The following LRFN2 variants were observed in gnomAD, a reference collection of about 807,000 sequenced individuals.
The protein encoded by LRFN2 is leucine-rich repeat and fibronectin type-III domain-containing protein 2.
Under a neutral mutation model 37.3 loss-of-function variants are expected in LRFN2, and 18 were observed. That is an observed-to-expected ratio of 0.48 (90% CI 0.33 to 0.72). The LOEUF (loss-of-function observed/expected upper bound fraction) is 0.72. Among genes scored for constraint, LRFN2 ranks in the 30% least tolerant of loss-of-function variants. The pLI is 0.02. For synonymous variants in LRFN2, 556 were observed against 466.6 expected, an observed-to-expected ratio of 1.19 and a Z score of -2.47; for missense variants, 1,006 against 1,060.7, an observed-to-expected ratio of 0.95 and a Z score of 0.72.
chr6:40,583,294 C>T (rs1229154919), intron 1 of LRFN2, among the ~76,000 whole-genome samples: 2 of 149,116 alleles, frequency 1.3e-5, no homozygotes, highest in African/African-American at 2.5e-5. Context: ...AGGAGAAACC[C>T]TCCAAAAATG....
intron 2 of LRFN2, among the ~76,000 whole-genome samples, chr6:40,393,146 G>A (rs1208761477): frequency 6.6e-6 from 1 of 150,932 alleles, no homozygotes; most frequent in Non-Finnish European, 1.5e-5. Flanking sequence ...GGAGGGAGGG[G>A]CAGGGGCAGG....
chr6:40,399,747 T>G (rs1324790251), intron 2 of LRFN2, among the ~76,000 whole-genome samples: 1 of 151,914 alleles, frequency 6.6e-6, no homozygotes, highest in African/African-American at 2.4e-5. Flanking sequence ...CTGAATTCCC[T>G]CTTTCAAAAG....
intron 1 of LRFN2, among the ~76,000 whole-genome samples, chr6:40,563,330 A>G (rs1006786683): frequency 3.9e-5 from 6 of 152,066 alleles, no homozygotes; most frequent in African/African-American, 1.4e-4. Flanking sequence ...CGGGCCAATG[A>G]GCTCCTTCTG....
intron 1 of LRFN2, among the ~76,000 whole-genome samples, chr6:40,500,933 C>T (rs1053679584): frequency 4.1e-5 from 6 of 145,950 alleles, no homozygotes; most frequent in Admixed American, 1.4e-4. Flanking sequence ...TCCTTTTGTA[C>T]GCTTCTGTGT....
chr6:40,586,527 G>A (rs1215153745), intron 1 of LRFN2, among the ~76,000 whole-genome samples: 1 of 152,012 alleles, frequency 6.6e-6, no homozygotes, highest in Non-Finnish European at 1.5e-5. Flanking sequence ...GGAGTCCCCG[G>A]CGCCCCCACC....
intron 2 of LRFN2, among the ~76,000 whole-genome samples, chr6:40,424,797 G>A (rs1763311682): frequency 6.6e-6 from 1 of 152,122 alleles, no homozygotes; most frequent in South Asian, 2.1e-4. Context: ...CCTGTTCCTG[G>A]CATGCCCCAC....
intron 1 of LRFN2, among the ~76,000 whole-genome samples, chr6:40,510,590 G>A (rs1387646023): frequency 2.0e-5 from 3 of 152,280 alleles, no homozygotes; most frequent in African/African-American, 4.8e-5. Context: ...CTGAGGCACA[G>A]TGAGGAGTGG....
chr6:40,445,963 A>G (rs1193205171), intron 1 of LRFN2, among the ~76,000 whole-genome samples: 2 of 152,248 alleles, frequency 1.3e-5, no homozygotes, highest in African/African-American at 2.4e-5. Context: ...AGTGTTTCCC[A>G]TTACAGTTCT....
chr6:40,443,869 C>T lies in LRFN2; in HGVS notation c.-18-10738G>A, dbSNP rs893804944. Among the ~76,000 whole-genome samples, 19 of 152,280 alleles carry T rather than the reference C, an allele frequency of 1.2e-4. No individual in the cohort carries two copies. In the East Asian group the frequency reaches 3.1e-3, roughly 25 times the overall value. On this transcript the variant is annotated intron_variant, in intron 1 of 2. Transcript: ENST00000338305. ...AGCCTAAAGGGACAAAGGTAGAGGG[C>T]AGTTTCTAGAACCCAGTCAGGGCAT...
Position 40,487,582 on chromosome 6 carries a change from A to C in LRFN2, c.-18-54451T>G, listed in dbSNP as rs139580499. On this transcript the variant is annotated intron_variant, in intron 1 of 2. Transcript: ENST00000338305. ...AGGGAGGTAGGCAGATAGCTGTGAA[A>C]GGTGCATGGCCTCTGGCTTTTGGAA... Among the ~76,000 whole-genome samples, 386 of 152,384 alleles carry C rather than the reference A, an allele frequency of 2.5e-3. 2 individuals are homozygous for C. Among genetic ancestry groups the C allele is most frequent in the Non-Finnish European group, 3.6e-3 (245 of 68,032 alleles).
chr6:40,481,449 A>G (rs1260926190), intron 1 of LRFN2, among the ~76,000 whole-genome samples: 2 of 151,796 alleles, frequency 1.3e-5, no homozygotes, highest in African/African-American at 4.8e-5. Flanking sequence ...CAAAAAAAAA[A>G]AAAAAAAAGA....
chr6:40,404,380 A>G (rs1295322150), intron 2 of LRFN2, among the ~76,000 whole-genome samples: 2 of 152,204 alleles, frequency 1.3e-5, no homozygotes, highest in African/African-American at 4.8e-5. Context: ...CGTTGAAAAC[A>G]TTGGTTGAAC....
intron 1 of LRFN2, among the ~76,000 whole-genome samples, chr6:40,509,789 G>T (rs562450725): frequency 7.5e-4 from 114 of 151,560 alleles, no homozygotes; most frequent in African/African-American, 2.5e-3. Context: ...AGTGGGGTGG[G>T]GGTGCATGCG....
Position 40,483,954 on chromosome 6 carries a change from A to C in LRFN2, c.-18-50823T>G, listed in dbSNP as rs190802562. The stretch of plus-strand genomic sequence containing the variant: ...TGTCAGCATTCCTGGCTCAGAGAGA[A>C]TAGCCGCCTCTGTCCCCTCTCCCTG... On this transcript the variant is annotated intron_variant, in intron 1 of 2. Coordinates refer to ENST00000338305, the MANE Select transcript of LRFN2 (RefSeq NM_020737.3). Among the ~76,000 whole-genome samples the C allele has an allele frequency of 4.6e-5, 7 of 152,256 alleles. No homozygotes were observed. The South Asian group carries it at 1.2e-3, about 27-fold the overall frequency.
At chr6:40,546,265 A>G (rs1766658824) in intron 1 of LRFN2, among the ~76,000 whole-genome samples, 1 of 152,220 alleles carries the variant, frequency 6.6e-6, no homozygotes, top group Non-Finnish European at 1.5e-5. Context: ...CTGAGGATGC[A>G]GCTCTGATGT....
chr6:40,496,333 C>T (rs112350022), intron 1 of LRFN2, among the ~76,000 whole-genome samples: 8 of 152,158 alleles, frequency 5.3e-5, no homozygotes, highest in Non-Finnish European at 1.0e-4. Flanking sequence ...CCATCTAAAC[C>T]GGAATCAGGT....
intron 1 of LRFN2, among the ~76,000 whole-genome samples, chr6:40,577,082 T>C (rs994531560): frequency 3.6e-5 from 2 of 55,560 alleles, no homozygotes; most frequent in African/African-American, 1.7e-4. Context: ...AGGCCCATTT[T>C]CTTTTCTTTT....
chr6:40,460,887 A>C (rs1764332569), intron 1 of LRFN2, among the ~76,000 whole-genome samples: 2 of 152,208 alleles, frequency 1.3e-5, no homozygotes, highest in Non-Finnish European at 1.5e-5. Context: ...AAGCGCAGAG[A>C]ATATATGCTT....
At chr6:40,449,625 C>G (rs2113841145) in intron 1 of LRFN2, among the ~76,000 whole-genome samples, 1 of 152,328 alleles carries the variant, frequency 6.6e-6, no homozygotes, top group Middle Eastern at 3.4e-3. Flanking sequence ...TGGAAGGAAC[C>G]TGGGTATCTG....
Sources: gnomAD v4.1 joint callset for allele counts (sites outside exome capture counted in the v4.1 genomes callset) on GRCh38, gnomAD v4.1.1 for gene constraint, MANE v1.5 for transcripts, NCBI Gene and HGNC (gene_info 2026-07-23, HGNC 2026-07-21) for gene names.